The following FGF13 variants were observed in gnomAD, a reference collection of about 807,000 sequenced individuals.
The protein encoded by FGF13 is fibroblast growth factor homologous factor 2.
A neutral mutation model predicts 19.5 loss-of-function variants in FGF13; 2 were observed. The ratio of observed to expected loss-of-function variants is 0.10; its 90% CI spans 0.04 to 0.32. FGF13 has a LOEUF of 0.32. Ranked by LOEUF, FGF13 falls within the 10% of genes least tolerant of loss-of-function variation. The probability of loss-of-function intolerance (pLI) is 1.00; values close to 1 mark genes in which losing one functional copy is unlikely to be tolerated. For synonymous variants in FGF13, 72 were observed against 76.9 expected (o/e 0.94, Z 0.33); for missense variants, 113 against 192.7 (o/e 0.59, Z 2.45).
intron 2 of FGF13, among the ~76,000 whole-genome samples, chrX:138,862,300 A>G (rs902111341): frequency 2.7e-5 from 3 of 111,986 alleles, no homozygotes; most frequent in African/African-American, 6.5e-5. Flanking sequence ...TTGCCTTTAA[A>G]TTAACTCTTC....
At chrX:138,787,722 C>G (rs757510767) in intron 3 of FGF13, among the ~76,000 whole-genome samples, 18 of 109,544 alleles carry the variant, frequency 1.6e-4, no homozygotes, top group African/African-American at 2.7e-4. Flanking sequence ...CCCCCACCCC[C>G]CAACAGGCCC....
intron 1 of FGF13, among the ~76,000 whole-genome samples, chrX:139,198,889 C>A (rs984005172): frequency 2.7e-5 from 3 of 111,863 alleles, no homozygotes; most frequent in African/African-American, 9.8e-5. Context: ...TACCGGGAAA[C>A]CCACACTCTT....
chrX:138,970,838 T>C lies in FGF13; in HGVS notation c.-112-106188A>G, dbSNP rs571346893. Among the ~76,000 whole-genome samples the C allele has an allele frequency of 2.8e-4, 31 of 111,601 alleles. No individual in the cohort carries two copies. In the South Asian group the frequency reaches 0.012, roughly 42 times the overall value. On this transcript the variant is annotated intron_variant, in intron 1 of 2. Transcript: ENST00000421460. ...CAAGAAATAAAATGATTTTAGGCAC[T>C]AGAGTTGAGAATTTATAGATAAATG...
intron 1 of FGF13, among the ~76,000 whole-genome samples, chrX:139,073,241 G>A (rs2092382634): frequency 9.3e-6 from 1 of 107,559 alleles, no homozygotes; most frequent in South Asian, 4.2e-4. Flanking sequence ...ACTTGGCTTA[G>A]GCTTCCCAGT....
intron 3 of FGF13, among the ~76,000 whole-genome samples, chrX:138,654,145 G>A (rs1024844367): frequency 1.8e-5 from 2 of 111,498 alleles, no homozygotes; most frequent in Non-Finnish European, 3.8e-5. Flanking sequence ...TTAAAATGGG[G>A]AAAATATAGT....
At chrX:138,924,713 C>A (rs141853565) in intron 1 of FGF13, among the ~76,000 whole-genome samples, 1,355 of 109,699 alleles carry the variant, frequency 0.012, 11 homozygotes, top group Non-Finnish European at 0.018. Context: ...GAATGACATA[C>A]AGTAGTATGC....
At position 138,624,581 on chromosome X, in the gene FGF13, T is replaced by C. The variant is rs1026280345; in HGVS notation, c.*8269A>G. 9.2e-6 allele frequency: 1 copy of C among 108,557 alleles called. No individual in the cohort carries two copies. The allele number at this position is 108,557 out of a possible 1,213,427, so 8.9% of individuals were successfully genotyped here. On this transcript the variant is annotated 3_prime_UTR_variant, in exon 5 of 5. Transcript: ENST00000315930. ...AATAAACAAGTCAGACTACATTAAA[T>C]TAAAAAGTTTCAAAGCCAGGCATGG...
At chrX:138,990,073 T>C (rs988371371) in intron 1 of FGF13, among the ~76,000 whole-genome samples, 33 of 111,989 alleles carry the variant, frequency 2.9e-4, no homozygotes, top group Non-Finnish European at 5.6e-4. Context: ...TCTCAAGGCC[T>C]AGAGACTTCC....
At chrX:138,810,579 A>C (rs1602894299) in intron 3 of FGF13, among the ~76,000 whole-genome samples, 1 of 111,960 alleles carries the variant, frequency 8.9e-6, no homozygotes, top group South Asian at 3.7e-4. Context: ...GCAACAAAAG[A>C]CAAAATTGAC....
intron 1 of FGF13, among the ~76,000 whole-genome samples, chrX:139,038,315 T>A (rs1373691167): frequency 9.0e-6 from 1 of 110,860 alleles, no homozygotes; most frequent in Non-Finnish European, 1.9e-5. Flanking sequence ...GTTGTATATA[T>A]CCCTTTATTA....
chrX:138,750,566 CACA>C (rs1042035741), intron 3 of FGF13, among the ~76,000 whole-genome samples: 2 of 110,920 alleles, frequency 1.8e-5, no homozygotes, highest in African/African-American at 6.6e-5. Flanking sequence ...ACTAAATGTG[CACA>C]ACATCACTCA....
intron 1 of FGF13, among the ~76,000 whole-genome samples, chrX:138,736,644 A>G (rs1329674528): frequency 9.0e-6 from 1 of 111,048 alleles, no homozygotes; most frequent in Non-Finnish European, 1.9e-5. Context: ...GATAAAAAAA[A>G]ATTAGTAAAC....
At chrX:139,162,943 G>A (rs1214165569) in intron 1 of FGF13, among the ~76,000 whole-genome samples, 2 of 112,139 alleles carry the variant, frequency 1.8e-5, no homozygotes, top group Non-Finnish European at 3.8e-5. Flanking sequence ...CACTGTTGGT[G>A]GGAGTGTAAA....
At chrX:139,034,175 A>G (rs1376001131) in intron 1 of FGF13, among the ~76,000 whole-genome samples, 2 of 112,122 alleles carry the variant, frequency 1.8e-5, no homozygotes, top group Non-Finnish European at 3.8e-5. Flanking sequence ...CTGGAAATAC[A>G]GTGACAAAAC....
downstream of FGF13, among the ~76,000 whole-genome samples, chrX:138,853,620 CGTGTGTGTGTGTGTGT>C (rs34651876): frequency 2.0e-5 from 2 of 99,900 alleles, no homozygotes; most frequent in African/African-American, 3.6e-5. Context: ...TGTGCGTGTG[CGTGTGTGTGTGTGTGT>C]GTGTGTGTGT....
At chrX:138,973,539 T>C (rs755468104) in intron 1 of FGF13, among the ~76,000 whole-genome samples, 69 of 112,023 alleles carry the variant, frequency 6.2e-4, no homozygotes, top group Non-Finnish European at 1.1e-3. Flanking sequence ...TTAACTCTAA[T>C]GTTTGTTTGT....
chrX:139,112,051 C>A (rs1017770060), intron 1 of FGF13, among the ~76,000 whole-genome samples: 1 of 111,449 alleles, frequency 9.0e-6, no homozygotes, highest in Admixed American at 9.6e-5. Context: ...CAATAAAAAC[C>A]AGGGCCATAT....
intron 1 of FGF13, among the ~76,000 whole-genome samples, chrX:138,963,010 A>T (rs889789244): frequency 3.6e-5 from 4 of 110,187 alleles, no homozygotes; most frequent in Admixed American, 1.9e-4. Flanking sequence ...ACAAAAAAGA[A>T]AAAAAAAAGT....
At chrX:138,963,050 A>G (rs1362901160) in intron 1 of FGF13, among the ~76,000 whole-genome samples, 1 of 112,691 alleles carries the variant, frequency 8.9e-6, no homozygotes, top group Admixed American at 9.3e-5. Flanking sequence ...TCCCCATTTG[A>G]CTTTCTTGGT....
Sources: allele counts gnomAD v4.1 joint callset (sites outside exome capture counted in the v4.1 genomes callset), GRCh38; gene constraint gnomAD v4.1.1; transcripts MANE v1.5; gene names NCBI Gene and HGNC (gene_info 2026-07-23, HGNC 2026-07-21).